ARHGAP12: variants seen among roughly 807,000 people sequenced by gnomAD.
The protein encoded by ARHGAP12 is Rho GTPase activating protein 12, also known as rho GTPase-activating protein 12.
In ARHGAP12, 64 loss-of-function variants were observed where a neutral mutation model predicts 108.6. The ratio of observed to expected loss-of-function variants is 0.59; its 90% confidence interval spans 0.48 to 0.73. ARHGAP12 has a LOEUF of 0.73. Ranked by LOEUF, ARHGAP12 falls within the 30% of genes least tolerant of loss-of-function variation. The pLI, the probability that ARHGAP12 is intolerant of heterozygous loss-of-function variation, is 0.00. For synonymous variants in ARHGAP12, 312 were observed against 337.2 expected (o/e 0.93, Z 0.82); for missense variants, 940 against 1,005.9 (o/e 0.93, Z 0.89).
In ARHGAP12 at chr10:31,912,258, G is replaced by A. The variant is rs555000616; in HGVS notation, c.-110-1695C>T. On this transcript the variant is annotated intron_variant, in intron 1 of 19. Coordinates refer to ENST00000344936, the MANE Select transcript of ARHGAP12 (RefSeq NM_018287.7). Reference sequence around the variant, plus strand: ...TATCTTTGAAGATACAGAGATGAGCGAGGGAATATGCAGCTACTTTTCAAA... The same window carrying A: ...TATCTTTGAAGATACAGAGATGAGCAAGGGAATATGCAGCTACTTTTCAAA... Among the ~76,000 whole-genome samples, 111 of 152,318 alleles carry A rather than the reference G, an allele frequency of 7.3e-4. 1 individual carries two copies. Among genetic ancestry groups the A allele is most frequent in the African/African-American group, 2.4e-3 (101 of 41,574 alleles).
At chr10:31,896,169 C>T (rs1838683238) in intron 3 of ARHGAP12, among the ~76,000 whole-genome samples, 1 of 151,928 alleles carries the variant, frequency 6.6e-6, no homozygotes, top group Non-Finnish European at 1.5e-5. Flanking sequence ...AGCACACCAA[C>T]ATGGCCCATG....
chr10:31,827,337 T>G (rs1299511858), intron 10 of ARHGAP12, among the ~76,000 whole-genome samples: 1 of 152,200 alleles, frequency 6.6e-6, no homozygotes. Flanking sequence ...AGCACAGTAC[T>G]TTTCAAACAG....
intron 1 of ARHGAP12, among the ~76,000 whole-genome samples, chr10:31,911,078 C>T (rs1420955433): frequency 6.6e-6 from 1 of 152,070 alleles, no homozygotes; most frequent in African/African-American, 2.4e-5. Flanking sequence ...GGCTGGAGTA[C>T]AGTGGCACGA....
chr10:31,902,976 A>C (rs568690098), intron 3 of ARHGAP12, among the ~76,000 whole-genome samples: 9 of 152,280 alleles, frequency 5.9e-5, no homozygotes, highest in African/African-American at 2.2e-4. Flanking sequence ...AGACTGACCT[A>C]CCTCAAGCAA....
intron 1 of ARHGAP12, among the ~76,000 whole-genome samples, chr10:31,926,275 T>C (rs190540059): frequency 6.7e-6 from 1 of 149,276 alleles, no homozygotes; most frequent in East Asian, 2.0e-4. Flanking sequence ...ATGAAAGTAA[T>C]AGGGAAATGG....
chr10:31,866,299 T>C lies in ARHGAP12; in HGVS notation c.685-4641A>G, dbSNP rs550418399. ...CAGCAATTAAGAAGTTTTTAAAGACTTCAGCTACCAGCCATGAGGATCTGA... is the reference window on the plus strand; with the variant it reads ...CAGCAATTAAGAAGTTTTTAAAGACCTCAGCTACCAGCCATGAGGATCTGA... On this transcript the variant is annotated intron_variant, in intron 3 of 19. Coordinates refer to ENST00000344936, the MANE Select transcript of ARHGAP12 (RefSeq NM_018287.7). 1.5e-4 allele frequency among the ~76,000 whole-genome samples: 23 copies of C among 152,340 alleles called. No homozygotes were observed. In the South Asian group the frequency reaches 3.3e-3, roughly 22 times the overall value.
chr10:31,921,608 A>G (rs1414751768), intron 1 of ARHGAP12, among the ~76,000 whole-genome samples: 1 of 151,818 alleles, frequency 6.6e-6, no homozygotes, highest in Non-Finnish European at 1.5e-5. Flanking sequence ...TACCAAAAAT[A>G]CAAAAATGAG....
chr10:31,834,863 G>T (rs1192567073), intron 9 of ARHGAP12, among the ~76,000 whole-genome samples: 2 of 152,070 alleles, frequency 1.3e-5, no homozygotes, highest in African/African-American at 4.8e-5. Context: ...AAAATAAATA[G>T]GCAGATGGGT....
At chr10:31,881,661 A>G (rs1431117706) in intron 3 of ARHGAP12, among the ~76,000 whole-genome samples, 3 of 152,234 alleles carry the variant, frequency 2.0e-5, no homozygotes, top group African/African-American at 7.2e-5. Context: ...GGAAGTTGTT[A>G]ACTAAGATTC....
intron 1 of ARHGAP12, among the ~76,000 whole-genome samples, chr10:31,918,459 T>C (rs1386825833): frequency 6.6e-6 from 1 of 151,786 alleles, no homozygotes; most frequent in Non-Finnish European, 1.5e-5. Flanking sequence ...TCCCAGTAAT[T>C]TGGGAGGCCG....
chr10:31,863,234 T>C (rs1192998569), intron 3 of ARHGAP12, among the ~76,000 whole-genome samples: 1 of 152,232 alleles, frequency 6.6e-6, no homozygotes, highest in Non-Finnish European at 1.5e-5. Flanking sequence ...GAGACAGATA[T>C]CATTTCTCCT....
At chr10:31,877,518 G>A (rs1384784735) in intron 3 of ARHGAP12, among the ~76,000 whole-genome samples, 1 of 152,184 alleles carries the variant, frequency 6.6e-6, no homozygotes. Context: ...CAGCTGGCTA[G>A]TAAGCTATTG....
At chr10:31,868,545 T>C (rs1017953512) in intron 3 of ARHGAP12, among the ~76,000 whole-genome samples, 3 of 152,128 alleles carry the variant, frequency 2.0e-5, no homozygotes, top group Non-Finnish European at 4.4e-5. Flanking sequence ...CAATGGGTCA[T>C]CAGAATCATC....
intron 13 of ARHGAP12, 131 bp downstream of exon 13, chr10:31,817,657 T>C (rs1835255909): frequency 9.1e-6 from 5 of 550,866 alleles, no homozygotes; most frequent in South Asian, 8.2e-5. Context: ...CCATTGTTTT[T>C]TCCATCTCTG....
At chr10:31,828,331 TGAG>T (rs1186480358) in intron 10 of ARHGAP12, among the ~76,000 whole-genome samples, 1 of 152,140 alleles carries the variant, frequency 6.6e-6, no homozygotes, top group Non-Finnish European at 1.5e-5. Context: ...TTTCAATAGA[TGAG>T]TAGTCCATTT....
At chr10:31,926,939 G>A (rs975179035) in intron 1 of ARHGAP12, among the ~76,000 whole-genome samples, 1 of 152,172 alleles carries the variant, frequency 6.6e-6, no homozygotes, top group Non-Finnish European at 1.5e-5. Context: ...TATACAGACG[G>A]CATTATCTTA....
intron 3 of ARHGAP12, among the ~76,000 whole-genome samples, chr10:31,893,117 T>G (rs1343828653): frequency 6.6e-6 from 1 of 152,132 alleles, no homozygotes; most frequent in Non-Finnish European, 1.5e-5. Flanking sequence ...AAAGGGAAAT[T>G]TATAGCACTA....
chr10:31,918,662 T>C (rs1248923777), intron 1 of ARHGAP12, among the ~76,000 whole-genome samples: 1 of 152,218 alleles, frequency 6.6e-6, no homozygotes, highest in Non-Finnish European at 1.5e-5. Flanking sequence ...GCTGTGACTG[T>C]GCCACTGCAT....
At position 31,820,465 on chromosome 10, in the gene ARHGAP12, T is replaced by C. The variant is rs1298978172; in HGVS notation, c.1554A>G (p.Pro518=). The change falls in exon 12 of 20, where the codon CCA becomes CCG. Residue 518 remains proline (P), a synonymous_variant. Coordinates refer to ENST00000344936, the MANE Select transcript of ARHGAP12 (RefSeq NM_018287.7). ...CCCCCTTGAGGTCCACTGTGAACTC[T>C]GGTTTGGACTGATTACTGCCAAACT... is the stretch of plus-strand genomic sequence containing the variant. ...TSWFGSNQSK[P]EFTVDLKGAT... 3.6e-5 allele frequency: 57 copies of C among 1,604,388 alleles called. No homozygotes were observed. The highest frequency in any genetic ancestry group is 4.6e-5 in the Non-Finnish European group (54 of 1,175,680).
Sources: allele counts gnomAD v4.1 joint callset (sites outside exome capture counted in the v4.1 genomes callset), GRCh38; gene constraint gnomAD v4.1.1; transcripts MANE v1.5; gene names NCBI Gene and HGNC (gene_info 2026-07-23, HGNC 2026-07-21).